Variants in AR observed in about 807,000 individuals in gnomAD.
The protein encoded by AR is androgen receptor.
A neutral mutation model predicts 53.9 loss-of-function variants in AR; 8 were observed. That is an observed-to-expected ratio of 0.15 (90% CI 0.09 to 0.27). The LOEUF (loss-of-function observed/expected upper bound fraction) is 0.27, where lower values mean the gene tolerates loss of function less well. Ranked by LOEUF, AR falls within the 10% of genes least tolerant of loss-of-function variation. The pLI is 1.00. For synonymous variants in AR, 359 were observed against 316.4 expected, an observed-to-expected ratio of 1.13 and a Z score of -1.43; for missense variants, 639 against 742.5, an observed-to-expected ratio of 0.86 and a Z score of 1.62.
At chrX:67,711,331 C>T (rs1045152099) in intron 3 of AR, 71 bp from the exon 4 acceptor site, 2 of 1,118,159 alleles carry the variant, frequency 1.8e-6, no homozygotes, top group Non-Finnish European at 2.4e-6. Flanking sequence ...GGCAGTTTTT[C>T]TAAAAAGGTA....
At chrX:67,648,865 T>A (rs899489671) in intron 2 of AR, among the ~76,000 whole-genome samples, 11 of 111,953 alleles carry the variant, frequency 9.8e-5, no homozygotes, top group African/African-American at 2.9e-4. Context: ...AATTTCCTAG[T>A]CCCTTATTAT....
intron 1 of AR, among the ~76,000 whole-genome samples, chrX:67,590,233 G>C (rs904449789): frequency 1.8e-5 from 2 of 111,353 alleles, no homozygotes; most frequent in Non-Finnish European, 3.8e-5. Context: ...GGGGATGAAG[G>C]CTTCTTTTTT....
Position 67,645,723 on chromosome X carries a change from A to C in AR, c.1768+2316A>C, listed in dbSNP as rs143997335. ...CTTTGAAGGTAGGAGAAGGTGGTTT[A>C]GAAAACACACACACACACGCACACA... is the stretch of plus-strand genomic sequence containing the variant. On this transcript the variant is annotated intron_variant, in intron 2 of 7. Coordinates refer to ENST00000374690, the MANE Select transcript of AR (RefSeq NM_000044.6). Among the ~76,000 whole-genome samples, 302 of 110,644 alleles carry C rather than the reference A, an allele frequency of 2.7e-3. 2 individuals carry two copies. The highest frequency in any genetic ancestry group is 9.3e-3 in the African/African-American group (284 of 30,384).
At chrX:67,588,809 T>G (rs950983563) in intron 1 of AR, among the ~76,000 whole-genome samples, 1 of 112,067 alleles carries the variant, frequency 8.9e-6, no homozygotes, top group Non-Finnish European at 1.9e-5. Context: ...AGCTGTGGGG[T>G]GGACAGTTTG....
chrX:67,621,274 G>T (rs1313605075), intron 1 of AR, among the ~76,000 whole-genome samples: 2 of 111,360 alleles, frequency 1.8e-5, no homozygotes, highest in Non-Finnish European at 3.8e-5. Flanking sequence ...GTGGGGTTCA[G>T]CCTCGAGTGG....
intron 1 of AR, among the ~76,000 whole-genome samples, chrX:67,553,033 A>C (rs1208548500): frequency 9.0e-6 from 1 of 110,876 alleles, no homozygotes; most frequent in Admixed American, 9.6e-5. Context: ...AATGGTATCT[A>C]GATTGAAGCA....
In AR at chrX:67,545,944, T is replaced by C. The variant is rs761788367; in HGVS notation, c.798T>C (p.Asp266=). ...HLSPGEQLRG[D]CMYAPLLGVP... ...GTCCAGGGGAACAGCTTCGGGGGGA[T>C]TGCATGTACGCCCCACTTTTGGGAG... is the stretch of plus-strand genomic sequence containing the variant. Residue 266 remains aspartate, a synonymous_variant, in exon 1 of 8, where the codon GAT becomes GAC. Coordinates refer to ENST00000374690, the MANE Select transcript of AR (RefSeq NM_000044.6). The C allele has an allele frequency of 5.0e-6, 6 of 1,211,744 alleles. No homozygotes were observed. In the East Asian group the frequency reaches 8.9e-5, roughly 18 times the overall value.
intron 7 of AR, 127 bp downstream of exon 7, chrX:67,723,111 G>A: frequency 2.4e-6 from 2 of 849,441 alleles, no homozygotes; most frequent in Non-Finnish European, 1.7e-6. Context: ...TTTGAGTGTG[G>A]TCCAGGAAGA....
chrX:67,728,119 G>A lies in AR; in HGVS notation c.*4278G>A, dbSNP rs1410165458. ...GCAAGCATTAGTGCCTCTTTGATAA[G>A]CTGTCCAAAGACAGACTAAAGGACT... is the stretch of plus-strand genomic sequence containing the variant. On this transcript the variant is annotated 3_prime_UTR_variant, in exon 8 of 8. Transcript: ENST00000374690. 3 of 173,738 alleles carry A rather than the reference G, an allele frequency of 1.7e-5. No individual in the cohort carries two copies. In the East Asian group the frequency reaches 2.4e-4, roughly 14 times the overall value. The allele number at this position is 173,738 out of a possible 1,213,427, so 14.3% of individuals were successfully genotyped here.
At chrX:67,702,944 A>G (rs1035846039) in intron 3 of AR, among the ~76,000 whole-genome samples, 13 of 111,362 alleles carry the variant, frequency 1.2e-4, no homozygotes, top group Non-Finnish European at 2.3e-4. Context: ...CAGGAGTGGT[A>G]GTGTACAACT....
chrX:67,605,667 G>A (rs1276682372), intron 1 of AR, among the ~76,000 whole-genome samples: 2 of 111,687 alleles, frequency 1.8e-5, no homozygotes, highest in Admixed American at 1.9e-4. Flanking sequence ...ATGGTCATCC[G>A]GCCGCTTTAT....
intron 1 of AR, among the ~76,000 whole-genome samples, chrX:67,601,689 T>C (rs1923367351): frequency 8.9e-6 from 1 of 112,515 alleles, no homozygotes; most frequent in Non-Finnish European, 1.9e-5. Flanking sequence ...ATTTGATTAA[T>C]CTCTTCATAG....
chrX:67,641,546 T>C (rs932635168), intron 1 of AR, among the ~76,000 whole-genome samples: 1 of 112,080 alleles, frequency 8.9e-6, no homozygotes, highest in Non-Finnish European at 1.9e-5. Context: ...AGCTGAATTA[T>C]ATATTGGAAG....
chrX:67,648,812 C>T (rs185909784), intron 2 of AR, among the ~76,000 whole-genome samples: 1 of 112,364 alleles, frequency 8.9e-6, no homozygotes, highest in Admixed American at 9.5e-5. Flanking sequence ...TTGTCACTTG[C>T]AAGACCTTTT....
At chrX:67,607,148 G>A (rs1923667485) in intron 1 of AR, among the ~76,000 whole-genome samples, 1 of 111,122 alleles carries the variant, frequency 9.0e-6, no homozygotes, top group Non-Finnish European at 1.9e-5. Context: ...TCCTGCCTCA[G>A]CCTCCTGAGT....
In AR at chrX:67,594,454, A is replaced by G. The variant is rs199557131; in HGVS notation, c.1616+47692A>G. Among the ~76,000 whole-genome samples the G allele has an allele frequency of 2.7e-5, 3 of 112,612 alleles. No homozygotes were observed. The East Asian group carries it at 8.3e-4, about 31-fold the overall frequency. On this transcript the variant is annotated intron_variant, in intron 1 of 7. Transcript: ENST00000374690. ...AAAATGAAAATATTACTTTTATCTT[A>G]AACATGTTTTAACAAAGCAAGCATA...
intron 1 of AR, among the ~76,000 whole-genome samples, chrX:67,638,748 T>C (rs1165463947): frequency 2.7e-5 from 3 of 112,240 alleles, no homozygotes; most frequent in Non-Finnish European, 3.8e-5. Flanking sequence ...ATGGATAGAC[T>C]GCAGAAATTT....
chrX:67,723,987 C>A lies in AR; in HGVS notation c.*146C>A, dbSNP rs1363399121. On this transcript the variant is annotated 3_prime_UTR_variant, in exon 8 of 8. Coordinates refer to ENST00000374690, the MANE Select transcript of AR (RefSeq NM_000044.6). ...TCTGTCATGAACATGTTCCTGAATT[C>A]TATTTGCTGGGCTTTTTTTTTCTCT... The A allele has an allele frequency of 9.9e-6, 8 of 810,949 alleles. No individual in the cohort carries two copies. Among genetic ancestry groups the A allele is most frequent in the Non-Finnish European group, 1.4e-5 (8 of 573,848 alleles). The allele number at this position is 810,949 out of a possible 1,213,427, so 66.8% of individuals were successfully genotyped here. A position where few individuals can be genotyped will look rare whatever the true frequency, so the allele number is the denominator to read the frequency against.
rs145818793 is a variant in AR at position 67,678,555 on chromosome X, A to C, written c.1769-7455A>C. Among the ~76,000 whole-genome samples, 377 of 111,851 alleles carry C rather than the reference A, an allele frequency of 3.4e-3. 1 individual carries two copies. Among genetic ancestry groups the C allele is most frequent in the Non-Finnish European group, 5.8e-3 (308 of 53,146 alleles). ...CTTTTGTAACTTTCATTTTAGGTTCAGGGGTTCATGTGCATGTTTGATATA... is the reference window on the plus strand; with the variant it reads ...CTTTTGTAACTTTCATTTTAGGTTCCGGGGTTCATGTGCATGTTTGATATA... On this transcript the variant is annotated intron_variant, in intron 2 of 7. Coordinates refer to ENST00000374690, the MANE Select transcript of AR (RefSeq NM_000044.6).
Sources: allele counts gnomAD v4.1 joint callset (sites outside exome capture counted in the v4.1 genomes callset), GRCh38; gene constraint gnomAD v4.1.1; transcripts MANE v1.5; gene names NCBI Gene and HGNC (gene_info 2026-07-23, HGNC 2026-07-21).